The following NDFIP2 variants were observed in gnomAD, a reference collection of about 807,000 sequenced individuals.
The protein encoded by NDFIP2 is Nedd4 family interacting protein 2.
In NDFIP2, 19 loss-of-function variants were observed where a neutral mutation model predicts 36.0. That is an observed-to-expected ratio of 0.53 (90% CI 0.37 to 0.77). NDFIP2 has a LOEUF of 0.77. Among genes scored for constraint, NDFIP2 ranks in the 30% least tolerant of loss-of-function variants. NDFIP2 has a pLI of 0.00. For missense variants in NDFIP2, 446 were observed against 435.8 expected (o/e 1.02, Z -0.21); for synonymous variants, 181 against 167.7 (o/e 1.08, Z -0.61).
intron 5 of NDFIP2, among the ~76,000 whole-genome samples, chr13:79,547,419 G>A (rs2137117136): frequency 6.6e-6 from 1 of 152,218 alleles, no homozygotes; most frequent in South Asian, 2.1e-4. Flanking sequence ...AACAGGGTGG[G>A]TAAACACAAG....
intron 1 of NDFIP2, among the ~76,000 whole-genome samples, chr13:79,494,180 T>C (rs1034447635): frequency 2.0e-5 from 3 of 152,108 alleles, no homozygotes; most frequent in Admixed American, 1.3e-4. Context: ...GGTTCAAATC[T>C]TGACTTCTCA....
intron 1 of NDFIP2, among the ~76,000 whole-genome samples, chr13:79,520,127 G>C (rs930383424): frequency 6.6e-6 from 1 of 152,018 alleles, no homozygotes; most frequent in African/African-American, 2.4e-5. Context: ...TTTTGTACTT[G>C]GGAAAACCTA....
In NDFIP2 at chr13:79,540,104, A is replaced by G. The variant is rs549682610; in HGVS notation, c.715+329A>G. On this transcript the variant is annotated intron_variant, in intron 4 of 7. Coordinates refer to ENST00000218652, the MANE Select transcript of NDFIP2 (RefSeq NM_019080.3). ...TGCCCATTCAGCTCTGTAGGAGCGT[A>G]TAGAATGAAACTATAAATTGCACTA... is the stretch of plus-strand genomic sequence containing the variant. Among the ~76,000 whole-genome samples, 5 of 152,362 alleles carry G rather than the reference A, an allele frequency of 3.3e-5. No homozygotes were observed. In the South Asian group the frequency reaches 1.0e-3, roughly 32 times the overall value.
chr13:79,518,365 A>G (rs1218684906), intron 1 of NDFIP2, among the ~76,000 whole-genome samples: 1 of 152,154 alleles, frequency 6.6e-6, no homozygotes, highest in Non-Finnish European at 1.5e-5. Context: ...TAGTAACTTC[A>G]TAAATGATTT....
intron 1 of NDFIP2, among the ~76,000 whole-genome samples, chr13:79,483,177 C>T (rs1261430195): frequency 6.6e-6 from 1 of 151,966 alleles, no homozygotes; most frequent in African/African-American, 2.4e-5. Context: ...GAACAGAGGG[C>T]AAAAATCAGT....
At chr13:79,515,016 G>A (rs1364694602) in intron 1 of NDFIP2, among the ~76,000 whole-genome samples, 53 of 152,168 alleles carry the variant, frequency 3.5e-4, no homozygotes, top group Admixed American at 3.5e-3. Context: ...TGCAATAGGT[G>A]ATTTCATCTC....
chr13:79,526,830 G>A (rs1462308842), intron 2 of NDFIP2, among the ~76,000 whole-genome samples: 1 of 152,132 alleles, frequency 6.6e-6, no homozygotes, highest in East Asian at 1.9e-4. Context: ...TAGGTATATA[G>A]CTCATCTGAT....
At chr13:79,510,214 G>A (rs1272401355) in intron 1 of NDFIP2, among the ~76,000 whole-genome samples, 1 of 151,734 alleles carries the variant, frequency 6.6e-6, no homozygotes, top group Non-Finnish European at 1.5e-5. Context: ...TTTTTTGACA[G>A]GCAGAAGTCC....
chr13:79,551,117 G>A lies in NDFIP2; in HGVS notation c.1008G>A (p.Leu336=), dbSNP rs1161152783. 6 of 1,576,624 alleles carry A rather than the reference G, an allele frequency of 3.8e-6. No individual in the cohort carries two copies. The East Asian group carries it at 6.8e-5, about 18-fold the overall frequency. ...AAHRTRYFFL[L] ...ATAGAACAAGGTATTTCTTCTTATTGTAGAGGTAAGAAATATTAATCTGTG... is the reference window on the plus strand; with the variant it reads ...ATAGAACAAGGTATTTCTTCTTATTATAGAGGTAAGAAATATTAATCTGTG... Residue 336 remains leucine, a synonymous_variant, in exon 7 of 8, where the codon TTG becomes TTA. Coordinates refer to ENST00000218652, the MANE Select transcript of NDFIP2 (RefSeq NM_019080.3).
chr13:79,490,076 C>T (rs1305436923), intron 1 of NDFIP2, among the ~76,000 whole-genome samples: 1 of 152,112 alleles, frequency 6.6e-6, no homozygotes, highest in Admixed American at 6.5e-5. Flanking sequence ...CAAGAGGCCA[C>T]CCTCTGAATG....
chr13:79,524,992 C>T lies in NDFIP2; in HGVS notation c.487+4017C>T, dbSNP rs1016448484. Among the ~76,000 whole-genome samples, 4 of 152,208 alleles carry T rather than the reference C, an allele frequency of 2.6e-5. No individual in the cohort carries two copies. In the East Asian group the frequency reaches 7.7e-4, roughly 29 times the overall value. ...AATTGAAAGCTTGTTTGGATGGTAT[C>T]CTTTCTCCTTAATCAGCTTCTTCAA... On this transcript the variant is annotated intron_variant, in intron 2 of 7. Coordinates refer to ENST00000218652, the MANE Select transcript of NDFIP2 (RefSeq NM_019080.3).
intron 3 of NDFIP2, among the ~76,000 whole-genome samples, chr13:79,537,314 T>C (rs1875280310): frequency 1.3e-5 from 2 of 152,124 alleles, no homozygotes; most frequent in Admixed American, 1.3e-4. Context: ...TTTCGCCATG[T>C]TGGTCAGGCT....
intron 1 of NDFIP2, among the ~76,000 whole-genome samples, chr13:79,484,863 G>C (rs1872900816): frequency 6.6e-6 from 1 of 152,110 alleles, no homozygotes. Context: ...ACATCTTGAA[G>C]CCTCAGTTTC....
At chr13:79,491,006 A>G (rs1189836079) in intron 1 of NDFIP2, among the ~76,000 whole-genome samples, 1 of 152,208 alleles carries the variant, frequency 6.6e-6, no homozygotes, top group East Asian at 1.9e-4. Context: ...CTTATTTTAA[A>G]TCACTATATC....
In NDFIP2 at chr13:79,553,782, T is replaced by A. The variant is rs1279463854; in HGVS notation, c.*1269T>A. 1 of 151,986 alleles carries A rather than the reference T, an allele frequency of 6.6e-6. No individual in the cohort carries two copies. Among genetic ancestry groups the A allele is most frequent in the Non-Finnish European group, 1.5e-5 (1 of 67,544 alleles). The allele number at this position is 151,986 out of a possible 1,614,324, so 9.4% of individuals were successfully genotyped here. ...ATTTACATTCATAAACTACTATATTTCCCATCTTGCAAATCATTTTATGTC... is the reference window on the plus strand; with the variant it reads ...ATTTACATTCATAAACTACTATATTACCCATCTTGCAAATCATTTTATGTC... On this transcript the variant is annotated 3_prime_UTR_variant, in exon 8 of 8. Transcript: ENST00000218652.
chr13:79,497,251 G>A (rs1043375265), intron 1 of NDFIP2, among the ~76,000 whole-genome samples: 7 of 151,896 alleles, frequency 4.6e-5, no homozygotes, highest in Non-Finnish European at 1.0e-4. Context: ...TACTGGTATC[G>A]GTTTTGGATC....
chr13:79,533,260 C>T, intron 2 of NDFIP2, 63 bp from the exon 3 acceptor site: 1 of 1,511,422 alleles, frequency 6.6e-7, no homozygotes, highest in South Asian at 1.3e-5. Flanking sequence ...ATTATTAAGT[C>T]ATGGCTATGG....
Position 79,502,978 on chromosome 13 carries a change from A to G in NDFIP2, c.322-17832A>G, listed in dbSNP as rs371285391. Among the ~76,000 whole-genome samples the G allele has an allele frequency of 6.6e-5, 10 of 151,918 alleles. No individual in the cohort carries two copies. The South Asian group carries it at 1.0e-3, about 16-fold the overall frequency. On this transcript the variant is annotated intron_variant, in intron 1 of 7. Coordinates refer to ENST00000218652, the MANE Select transcript of NDFIP2 (RefSeq NM_019080.3). ...AGTCAGTGTTGAAAAGGAAGGAGAG[A>G]GAATTTAAAGAAAAAACAATCCTTT... is the stretch of plus-strand genomic sequence containing the variant.
At chr13:79,492,330 G>C (rs1873258192) in intron 1 of NDFIP2, among the ~76,000 whole-genome samples, 1 of 151,418 alleles carries the variant, frequency 6.6e-6, no homozygotes, top group Admixed American at 6.6e-5. Context: ...CCTCACCTCG[G>C]GAGAGCTTTC....
Sources: gnomAD v4.1 joint callset for allele counts (sites outside exome capture counted in the v4.1 genomes callset) on GRCh38, gnomAD v4.1.1 for gene constraint, MANE v1.5 for transcripts, NCBI Gene and HGNC (gene_info 2026-07-23, HGNC 2026-07-21) for gene names.